Variants in SPAG16 observed in about 807,000 individuals in gnomAD.
SPAG16 encodes sperm-associated antigen 16 protein.
SPAG16 carries 86 observed loss-of-function variants against 80.4 expected under a neutral mutation model. The observed-to-expected ratio is 1.07, with a 90% CI of 0.90 to 1.28. The LOEUF is 1.28. SPAG16 is among the 50% of genes most tolerant of loss of function. SPAG16 has a pLI of 0.00. For synonymous variants in SPAG16, 294 were observed against 265.9 expected (o/e 1.11, Z -1.03); for missense variants, 870 against 765.3 (o/e 1.14, Z -1.61).
intron 9 of SPAG16, among the ~76,000 whole-genome samples, chr2:213,447,259 T>C (rs12694303): frequency 0.44 from 66,444 of 152,008 alleles, 15,590 homozygotes; most frequent in African/African-American, 0.6. Context: ...TCAGCTCATT[T>C]TTTCCCTTAA....
intron 9 of SPAG16, among the ~76,000 whole-genome samples, chr2:213,406,652 T>A (rs1393376842): frequency 1.3e-5 from 2 of 152,212 alleles, no homozygotes; most frequent in Non-Finnish European, 2.9e-5. Flanking sequence ...CTAAGCGGTG[T>A]GCTCACCATT....
At chr2:213,708,607 C>T (rs2065853544) in intron 10 of SPAG16, among the ~76,000 whole-genome samples, 1 of 152,130 alleles carries the variant, frequency 6.6e-6, no homozygotes, top group Admixed American at 6.5e-5. Context: ...GCCTGGCAAA[C>T]ATGGTGAAAC....
intron 13 of SPAG16, among the ~76,000 whole-genome samples, chr2:214,029,188 G>A (rs1453877808): frequency 6.6e-6 from 1 of 152,024 alleles, no homozygotes; most frequent in Non-Finnish European, 1.5e-5. Flanking sequence ...TGGGGGAAGA[G>A]TGTTCCAGAG....
At chr2:213,285,480 G>T (rs894585554) in intron 1 of SPAG16, among the ~76,000 whole-genome samples, 5 of 152,174 alleles carry the variant, frequency 3.3e-5, no homozygotes, top group Admixed American at 3.3e-4. Flanking sequence ...TATCTGTTCA[G>T]TTCTTAAAGA....
At chr2:213,680,899 G>A (rs1020129680) in intron 10 of SPAG16, among the ~76,000 whole-genome samples, 1 of 152,140 alleles carries the variant, frequency 6.6e-6, no homozygotes, top group Non-Finnish European at 1.5e-5. Flanking sequence ...CAGGCTATAG[G>A]TAAATTTAGA....
chr2:213,888,898 C>T (rs981389345), intron 11 of SPAG16, among the ~76,000 whole-genome samples: 13 of 151,904 alleles, frequency 8.6e-5, no homozygotes, highest in Admixed American at 2.0e-4. Flanking sequence ...ATGCACAGAA[C>T]GTAATCAAAT....
intron 15 of SPAG16, among the ~76,000 whole-genome samples, chr2:214,205,904 A>G (rs559721133): frequency 1.3e-5 from 2 of 152,234 alleles, no homozygotes; most frequent in East Asian, 3.9e-4. Context: ...ACAACAAATT[A>G]TTGATAACTG....
chr2:214,213,916 T>G (rs1244700614), intron 15 of SPAG16, among the ~76,000 whole-genome samples: 1 of 152,166 alleles, frequency 6.6e-6, no homozygotes, highest in African/African-American at 2.4e-5. Context: ...TAGATGAGTG[T>G]GATCTGTTTA....
At chr2:213,958,648 A>T (rs536639153) in intron 12 of SPAG16, among the ~76,000 whole-genome samples, 5 of 152,330 alleles carry the variant, frequency 3.3e-5, no homozygotes, top group African/African-American at 1.2e-4. Context: ...ACATAAACTA[A>T]CAATTATTTT....
intron 9 of SPAG16, among the ~76,000 whole-genome samples, chr2:213,457,131 T>C (rs1298047764): frequency 6.6e-6 from 1 of 152,228 alleles, no homozygotes; most frequent in East Asian, 1.9e-4. Flanking sequence ...CCACTTAACG[T>C]TGCATGTTTT....
chr2:213,581,407 C>T (rs1373607838), intron 10 of SPAG16, among the ~76,000 whole-genome samples: 2 of 152,134 alleles, frequency 1.3e-5, no homozygotes, highest in East Asian at 3.9e-4. Flanking sequence ...TTTGTAGAGA[C>T]AGGGTCTTGC....
chr2:213,415,274 T>C (rs1340457688), intron 9 of SPAG16, among the ~76,000 whole-genome samples: 1 of 152,232 alleles, frequency 6.6e-6, no homozygotes, highest in African/African-American at 2.4e-5. Context: ...GCAAGGAGCA[T>C]GCAGTGTTGA....
At chr2:214,058,415 T>G (rs944012270) in intron 13 of SPAG16, among the ~76,000 whole-genome samples, 5 of 152,180 alleles carry the variant, frequency 3.3e-5, no homozygotes, top group African/African-American at 9.6e-5. Flanking sequence ...CAGCATTTAT[T>G]AATTATGTTT....
intron 9 of SPAG16, among the ~76,000 whole-genome samples, chr2:213,478,424 A>C (rs999899126): frequency 2.6e-5 from 4 of 152,206 alleles, no homozygotes; most frequent in African/African-American, 7.2e-5. Context: ...TATATGTGAA[A>C]GGGATTTGTA....
intron 10 of SPAG16, among the ~76,000 whole-genome samples, chr2:213,684,381 C>T (rs2064557875): frequency 6.6e-6 from 1 of 152,154 alleles, no homozygotes; most frequent in African/African-American, 2.4e-5. Flanking sequence ...TCAGAGCATA[C>T]ACATAGCTAA....
chr2:214,026,503 C>T (rs2048139285), intron 13 of SPAG16, among the ~76,000 whole-genome samples: 1 of 151,470 alleles, frequency 6.6e-6, no homozygotes, highest in African/African-American at 2.4e-5. Flanking sequence ...AGTATGGACA[C>T]ACGTATAAGG....
intron 15 of SPAG16, among the ~76,000 whole-genome samples, chr2:214,167,364 A>G (rs1020958104): frequency 6.6e-6 from 1 of 152,090 alleles, no homozygotes; most frequent in East Asian, 1.9e-4. Flanking sequence ...AGTTACCACA[A>G]TGCTGCCAAT....
At chr2:214,006,772 C>T (rs2047043445) in intron 12 of SPAG16, among the ~76,000 whole-genome samples, 1 of 152,250 alleles carries the variant, frequency 6.6e-6, no homozygotes, top group African/African-American at 2.4e-5. Context: ...CACAAGCCTA[C>T]TCTTGCAGCC....
At chr2:214,011,702 G>C (rs2047288681) in intron 12 of SPAG16, among the ~76,000 whole-genome samples, 1 of 152,000 alleles carries the variant, frequency 6.6e-6, no homozygotes, top group South Asian at 2.1e-4. Context: ...GAAATACTGA[G>C]GTAAGGAAAC....
Sources: allele counts gnomAD v4.1 joint callset (sites outside exome capture counted in the v4.1 genomes callset), GRCh38; gene constraint gnomAD v4.1.1; transcripts MANE v1.5; gene names NCBI Gene and HGNC (gene_info 2026-07-23, HGNC 2026-07-21).